The following ING5 variants were observed in gnomAD, a reference collection of about 807,000 sequenced individuals.
ING5 encodes the protein inhibitor of growth protein 5.
Under a neutral mutation model 37.4 loss-of-function variants are expected in ING5, and 17 were observed. That is an observed-to-expected ratio of 0.45 (90% CI 0.31 to 0.68). The LOEUF is 0.68. Ranked by LOEUF, ING5 falls within the 30% of genes least tolerant of loss-of-function variation. The pLI is 0.05. For synonymous variants in ING5, 123 were observed against 116.6 expected, an observed-to-expected ratio of 1.06 and a Z score of -0.36; for missense variants, 233 against 311.9, an observed-to-expected ratio of 0.75 and a Z score of 1.91.
At position 241,725,161 on chromosome 2, in the gene ING5, G is replaced by T; in HGVS notation, c.*130G>T. 1 of 976,422 alleles carries T rather than the reference G, an allele frequency of 1.0e-6. No individual in the cohort carries two copies. The allele number at this position is 976,422 out of a possible 1,614,324, so 60.5% of individuals were successfully genotyped here. ...TAACTCCGTGGCCAGTTGAAGCGCT[G>T]GATGTTTCCTAGAACAAGAACCACC... On this transcript the variant is annotated 3_prime_UTR_variant, in exon 8 of 8. Transcript: ENST00000313552.
At chr2:241,701,943 G>T, upstream of ING5, 3 of 493,228 alleles carry the variant, frequency 6.1e-6, no homozygotes, top group Non-Finnish European at 9.2e-6. Context: ...GTCCGACCCC[G>T]CCCCCGGGCG....
chr2:241,698,465 T>C (rs376562704), upstream of ING5, among the ~76,000 whole-genome samples: 5 of 151,450 alleles, frequency 3.3e-5, no homozygotes, highest in African/African-American at 1.2e-4. Flanking sequence ...AACAAATGTA[T>C]CACATTAATG....
intron 2 of ING5, among the ~76,000 whole-genome samples, chr2:241,707,281 TG>T (rs1217969405): frequency 6.6e-6 from 1 of 150,814 alleles, no homozygotes; most frequent in African/African-American, 2.4e-5. Flanking sequence ...TTCATTATGC[TG>T]GGCACAGGTT....
chr2:241,719,501 TCTTCCTGCTC>T lies in ING5; in HGVS notation c.483-3427_483-3418del, dbSNP rs1245208075. On this transcript the variant is annotated intron_variant, in intron 5 of 7. Coordinates refer to ENST00000313552, the MANE Select transcript of ING5 (RefSeq NM_032329.6). Reference sequence around the variant, plus strand: ...AACTCAGTGGCAACAGCGTTCTGAGTCTTCCTGCTCCTTCCTGCTCGGAACCTGAAGGCCC... The same window carrying T: ...AACTCAGTGGCAACAGCGTTCTGAGTCTTCCTGCTCGGAACCTGAAGGCCC... 16 of 1,510,172 alleles carry T rather than the reference TCTTCCTGCTC, an allele frequency of 1.1e-5. 1 individual carries two copies. Among genetic ancestry groups the T allele is most frequent in the Admixed American group, 2.0e-5 (1 of 50,934 alleles). The allele number at this position is 1,510,172 out of a possible 1,614,324, so 93.5% of individuals were successfully genotyped here. A position where few individuals can be genotyped will look rare whatever the true frequency, so the allele number is the denominator to read the frequency against.
upstream of ING5, among the ~76,000 whole-genome samples, chr2:241,698,463 T>C (rs574787850): frequency 2.6e-5 from 4 of 151,756 alleles, no homozygotes; most frequent in South Asian, 8.4e-4. Flanking sequence ...GTAACAAATG[T>C]ATCACATTAA....
In ING5 at chr2:241,725,173, G is replaced by C. The variant is rs574392656; in HGVS notation, c.*142G>C. ...CAGTTGAAGCGCTGGATGTTTCCTA[G>C]AACAAGAACCACCAAAGCCTGTTCG... On this transcript the variant is annotated 3_prime_UTR_variant, in exon 8 of 8. Transcript: ENST00000313552. The C allele has an allele frequency of 4.5e-6, 4 of 889,412 alleles. No homozygotes were observed. The highest frequency in any genetic ancestry group is 2.2e-4 in the Middle Eastern group (1 of 4,632). 55.1% of individuals were successfully genotyped at this position (889,412 alleles called of 1,614,324 possible). A position where few individuals can be genotyped will look rare whatever the true frequency, so the allele number is the denominator to read the frequency against.
intron 5 of ING5, chr2:241,722,353 G>A: frequency 3.0e-6 from 3 of 985,396 alleles, no homozygotes; most frequent in South Asian, 4.7e-5. Context: ...CTGTCTGGGA[G>A]GAGGGACCGA....
At chr2:241,711,314 C>G in intron 3 of ING5, 63 bp from the exon 4 acceptor site, 1 of 1,154,906 alleles carries the variant, frequency 8.7e-7, no homozygotes. Context: ...TACTTTTGTA[C>G]ATTCGTGATT....
rs1265587406 is a variant in ING5 at position 241,719,790 on chromosome 2, T to C, written c.483-3149T>C. The C allele has an allele frequency of 6.9e-6, 10 of 1,440,502 alleles. No homozygotes were observed. In the Admixed American group the frequency reaches 1.4e-4, roughly 20 times the overall value. The allele number at this position is 1,440,502 out of a possible 1,614,324, so 89.2% of individuals were successfully genotyped here. ...TCCACTGTGGCCTCATGGCTTTTCCTGTCCTGACAGTGCGCTGACCAGCAC... is the reference window on the plus strand; with the variant it reads ...TCCACTGTGGCCTCATGGCTTTTCCCGTCCTGACAGTGCGCTGACCAGCAC... On this transcript the variant is annotated intron_variant, in intron 5 of 7. Coordinates refer to ENST00000313552, the MANE Select transcript of ING5 (RefSeq NM_032329.6).
chr2:241,697,290 A>C (rs2069644358), upstream of ING5, among the ~76,000 whole-genome samples: 2 of 150,732 alleles, frequency 1.3e-5, no homozygotes, highest in Admixed American at 1.3e-4. Flanking sequence ...AAAGAATTAG[A>C]CAGGCGTGGT....
chr2:241,719,987 C>T (rs1050595066), intron 5 of ING5: 2 of 1,256,464 alleles, frequency 1.6e-6, no homozygotes, highest in Non-Finnish European at 2.0e-6. Context: ...GGCAGTGCTG[C>T]TCCTGTCCCA....
Position 241,724,106 on chromosome 2 carries a change from C to G in ING5, c.680+835C>G. On this transcript the variant is annotated intron_variant, in intron 7 of 7. Coordinates refer to ENST00000313552, the MANE Select transcript of ING5 (RefSeq NM_032329.6). ...GTTCTGAAAATGAAATCGGAATGTGCTCTTCTGTGTGGCACTCAGAGGTCA... is the reference window on the plus strand; with the variant it reads ...GTTCTGAAAATGAAATCGGAATGTGGTCTTCTGTGTGGCACTCAGAGGTCA... The G allele has an allele frequency of 3.9e-6, 5 of 1,288,994 alleles. No individual in the cohort carries two copies. The South Asian group carries it at 5.3e-5, about 14-fold the overall frequency. 79.8% of individuals were successfully genotyped at this position (1,288,994 alleles called of 1,614,324 possible).
At chr2:241,722,234 G>A in intron 5 of ING5, 1 of 985,422 alleles carries the variant, frequency 1.0e-6, no homozygotes. Flanking sequence ...CTTCTCTCAG[G>A]TGTCAGCCGT....
chr2:241,712,872 G>GA (rs2070151920), intron 5 of ING5, among the ~76,000 whole-genome samples: 1 of 151,756 alleles, frequency 6.6e-6, no homozygotes, highest in African/African-American at 2.4e-5. Flanking sequence ...ACAAAAAATA[G>GA]AAAAAATTAG....
chr2:241,720,218 G>A, intron 5 of ING5: 5 of 1,231,706 alleles, frequency 4.1e-6, no homozygotes, highest in Non-Finnish European at 4.0e-6. Flanking sequence ...GCAGGAGCCC[G>A]CCTGCCCCTG....
At chr2:241,696,996 C>T (rs902844079) in intron 2 of ING5, among the ~76,000 whole-genome samples, 5 of 151,844 alleles carry the variant, frequency 3.3e-5, no homozygotes, top group South Asian at 4.2e-4. Flanking sequence ...GCAGGAGAAT[C>T]GCTTTAACCC....
At position 241,729,106 on chromosome 2, in the gene ING5, G is replaced by A. The variant is rs1422664323; in HGVS notation, c.*4075G>A. On this transcript the variant is annotated 3_prime_UTR_variant, in exon 8 of 8. Coordinates refer to ENST00000313552, the MANE Select transcript of ING5 (RefSeq NM_032329.6). ...AGGGATGTTAATTATGGGCATTGAA[G>A]ACTTAAGGTTTTCTTAAATTTTTAG... The A allele has an allele frequency of 6.6e-6, 1 of 152,476 alleles. No homozygotes were observed. The highest frequency in any genetic ancestry group is 6.5e-5 in the Admixed American group (1 of 15,272). 9.4% of individuals were successfully genotyped at this position (152,476 alleles called of 1,614,324 possible).
chr2:241,721,869 T>C, intron 5 of ING5: 1 of 985,512 alleles, frequency 1.0e-6, no homozygotes, highest in Non-Finnish European at 1.2e-6. Context: ...GGGACGGCCA[T>C]GGTGCTACAG....
At chr2:241,715,755 G>A (rs1201206025) in intron 5 of ING5, among the ~76,000 whole-genome samples, 1 of 151,144 alleles carries the variant, frequency 6.6e-6, no homozygotes, top group Non-Finnish European at 1.5e-5. Flanking sequence ...CCAACATACT[G>A]GGATTACAGG....
Sources: allele counts gnomAD v4.1 joint callset (sites outside exome capture counted in the v4.1 genomes callset), GRCh38; gene constraint gnomAD v4.1.1; transcripts MANE v1.5; gene names NCBI Gene and HGNC (gene_info 2026-07-23, HGNC 2026-07-21).